Variants in MAST2 observed in about 807,000 individuals in gnomAD.
The protein encoded by MAST2 is microtubule-associated serine/threonine-protein kinase 2.
A neutral mutation model predicts 147.4 loss-of-function variants in MAST2; 70 were observed. The observed-to-expected ratio is 0.47, with a 90% confidence interval of 0.39 to 0.58. The LOEUF is 0.58. MAST2 is among the 20% of genes least tolerant of loss of function. MAST2 has a pLI of 0.00. For missense variants in MAST2, 2,080 were observed against 2,302.3 expected, an observed-to-expected ratio of 0.90 and a Z score of 1.98; for synonymous variants, 869 against 896.8, an observed-to-expected ratio of 0.97 and a Z score of 0.55.
chr1:45,832,402 G>C (rs1210737352), intron 3 of MAST2, among the ~76,000 whole-genome samples: 2 of 151,384 alleles, frequency 1.3e-5, no homozygotes, highest in Non-Finnish European at 2.9e-5. Context: ...CTGGGTTCAA[G>C]TAATTCTCAT....
chr1:45,966,861 CTTTTTT>C (rs58072402), intron 5 of MAST2, among the ~76,000 whole-genome samples: 1 of 111,092 alleles, frequency 9.0e-6, no homozygotes. Flanking sequence ...GGATCTGGGT[CTTTTTT>C]TTTTTTTTTT....
intron 1 of MAST2, among the ~76,000 whole-genome samples, chr1:45,822,711 TTC>T (rs1386660065): frequency 6.6e-6 from 1 of 152,194 alleles, no homozygotes; most frequent in Non-Finnish European, 1.5e-5. Flanking sequence ...GCCTCCTCAG[TTC>T]TCTCTACCTA....
chr1:45,825,119 G>C (rs192832971), intron 2 of MAST2, among the ~76,000 whole-genome samples: 1 of 151,540 alleles, frequency 6.6e-6, no homozygotes, highest in Admixed American at 6.6e-5. Flanking sequence ...TCCGCCTCCC[G>C]GATTCATGCC....
In MAST2 at chr1:46,031,185, C is replaced by T. The variant is rs1311496764; in HGVS notation, c.2887C>T (p.Pro963Ser). Residue 963 changes from proline to serine, a missense_variant, in exon 23 of 29, where the codon CCC (proline) becomes TCC (serine). Around this residue, in one of 4 missense-constraint regions of MAST2, gnomAD observed 1,278 missense variants for 1,304.2 expected, o/e 0.98. Coordinates refer to ENST00000361297, the MANE Select transcript of MAST2 (RefSeq NM_015112.3). This position sits in a 1 kb window ranked among gnomAD's most constrained non-coding sequence, Gnocchi z 4.1. ...QPQEGIWVLTPPSGEGVSGPV... is the reference protein window; with the variant it reads ...QPQEGIWVLTSPSGEGVSGPV... ...ACAGGAGGGTATATGGGTCCTGACA[C>T]CCCCATCTGGAGAGGGGGTATCTGG... is the stretch of plus-strand genomic sequence containing the variant. 1 of 1,582,050 alleles carries T rather than the reference C, an allele frequency of 6.3e-7. No individual in the cohort carries two copies. Among genetic ancestry groups the T allele is most frequent in the South Asian group, 1.1e-5 (1 of 88,086 alleles).
intron 4 of MAST2, chr1:45,917,422 TCC>T: frequency 7.3e-7 from 1 of 1,366,498 alleles, no homozygotes; most frequent in Non-Finnish European, 9.8e-7. Context: ...CTCACTAAAG[TCC>T]CATTTAGTGC....
At chr1:45,805,583 C>T (rs1430993037) in intron 1 of MAST2, among the ~76,000 whole-genome samples, 2 of 152,214 alleles carry the variant, frequency 1.3e-5, no homozygotes, top group Non-Finnish European at 2.9e-5. Flanking sequence ...CCTTTCCTGT[C>T]TCAGTTTACC....
intron 26 of MAST2, among the ~76,000 whole-genome samples, chr1:46,032,952 G>A (rs1646738374): frequency 6.9e-6 from 1 of 144,082 alleles, no homozygotes; most frequent in African/African-American, 2.6e-5. Context: ...CCAACATGGT[G>A]AAACCCTGCC....
chr1:46,028,830 AGTGGACTG>A lies in MAST2; in HGVS notation c.2120_2127del (p.Asp707GlyfsTer8). 6.2e-7 allele frequency: 1 copy of A among 1,614,152 alleles called. No individual in the cohort carries two copies. Among genetic ancestry groups the A allele is most frequent in the Non-Finnish European group, 8.5e-7 (1 of 1,180,018 alleles). Reference sequence around the variant, plus strand: ...TCCTGCGCCAGGGCTATGGGAAGCCAGTGGACTGGTGGGCCATGGGCATTATCCTGTAT... The same window carrying A: ...TCCTGCGCCAGGGCTATGGGAAGCCAGTGGGCCATGGGCATTATCCTGTAT... On this transcript the variant is annotated frameshift_variant, in exon 18 of 29. Coordinates refer to ENST00000361297, the MANE Select transcript of MAST2 (RefSeq NM_015112.3). LOFTEE classifies it high-confidence loss of function.
chr1:45,834,669 G>A (rs778416252), intron 3 of MAST2, among the ~76,000 whole-genome samples: 3 of 152,134 alleles, frequency 2.0e-5, no homozygotes, highest in Non-Finnish European at 4.4e-5. Flanking sequence ...ATAGGAGAAA[G>A]ACCCCTGCAT....
rs1646577352 is a variant in MAST2 at position 46,030,011 on chromosome 1, C to G, written c.2443+58C>G. 4 of 1,609,044 alleles carry G rather than the reference C, an allele frequency of 2.5e-6. No individual in the cohort carries two copies. In the South Asian group the frequency reaches 4.4e-5, roughly 18 times the overall value. On this transcript the variant is annotated intron_variant, in intron 20 of 28. Transcript: ENST00000361297. ...GTCCTACCTGTTTGCCTAGAAACAC[C>G]TGTGCACACTGAAATTGCATTGGGA...
At chr1:46,003,730 G>C (rs750051126) in intron 7 of MAST2, among the ~76,000 whole-genome samples, 1 of 152,132 alleles carries the variant, frequency 6.6e-6, no homozygotes, top group African/African-American at 2.4e-5. Flanking sequence ...GCTTCCCAAA[G>C]TGCTAGGATT....
intron 3 of MAST2, among the ~76,000 whole-genome samples, chr1:45,841,458 G>GTATA (rs552340529): frequency 4.6e-4 from 70 of 151,132 alleles, no homozygotes; most frequent in Middle Eastern, 3.4e-3. Context: ...TATTTCTTCT[G>GTATA]TATATATATA....
At chr1:45,899,314 T>TTTC (rs1258137013) in intron 4 of MAST2, among the ~76,000 whole-genome samples, 6 of 147,872 alleles carry the variant, frequency 4.1e-5, no homozygotes, top group African/African-American at 1.5e-4. Flanking sequence ...TTTCTTTTTT[T>TTTC]TTTTTTTTTT....
intron 3 of MAST2, among the ~76,000 whole-genome samples, chr1:45,863,271 A>G (rs1366381613): frequency 6.6e-6 from 1 of 152,192 alleles, no homozygotes; most frequent in African/African-American, 2.4e-5. Flanking sequence ...CTATTTTGAT[A>G]GAGGAGTTCT....
chr1:45,967,208 G>A (rs1443145834), intron 5 of MAST2, among the ~76,000 whole-genome samples: 1 of 151,860 alleles, frequency 6.6e-6, no homozygotes, highest in Non-Finnish European at 1.5e-5. Flanking sequence ...CGAGTAGCTG[G>A]GACTACAGGT....
At chr1:45,847,986 T>C (rs1448712501) in intron 3 of MAST2, among the ~76,000 whole-genome samples, 5 of 152,236 alleles carry the variant, frequency 3.3e-5, no homozygotes, top group Admixed American at 6.5e-5. Context: ...TTAGTTGCAA[T>C]AGAGAACTAA....
Position 46,032,710 on chromosome 1 carries a change from A to C in MAST2, c.3529A>C (p.Ile1177Leu). ...GGTGCACACGGAGGTGGTAGAGCTG[A>C]TCCTGAAGGTTAGTGCTGGGCGTGC... The part of the protein sequence containing the change: ...GLVHTEVVEL[I>L]LKSGNKVAIS... The change falls in exon 26 of 29, where the codon ATC becomes CTC. Residue 1177 changes from isoleucine (I) to leucine (L), a missense_variant. By Grantham distance (5) the Ile-to-Leu change is conservative (BLOSUM62 2). Around this residue, in one of 4 missense-constraint regions of MAST2, gnomAD observed 1,278 missense variants for 1,304.2 expected, o/e 0.98. Transcript: ENST00000361297. 1 of 1,613,218 alleles carries C rather than the reference A, an allele frequency of 6.2e-7. No homozygotes were observed. The highest frequency in any genetic ancestry group is 8.5e-7 in the Non-Finnish European group (1 of 1,179,418).
chr1:45,975,247 C>A (rs549191992), intron 5 of MAST2, among the ~76,000 whole-genome samples: 1 of 152,094 alleles, frequency 6.6e-6, no homozygotes, highest in African/African-American at 2.4e-5. Flanking sequence ...AGATTTGTAA[C>A]CCAAGCTAGT....
chr1:45,905,748 C>G (rs369811147), intron 4 of MAST2, among the ~76,000 whole-genome samples: 1 of 151,244 alleles, frequency 6.6e-6, no homozygotes, highest in South Asian at 2.1e-4. Context: ...TGCACTGCAG[C>G]CTGGGAGACA....
Sources: gnomAD v4.1 joint callset for allele counts (sites outside exome capture counted in the v4.1 genomes callset) on GRCh38, gnomAD v4.1.1 for gene constraint, gnomAD v4.1.1 regional missense constraint, Gnocchi (gnomAD v3.1) non-coding constraint, MANE v1.5 for transcripts, NCBI Gene and HGNC (gene_info 2026-07-23, HGNC 2026-07-21) for gene names.